The following ULK4 variants were observed in gnomAD, a reference collection of about 807,000 sequenced individuals.
ULK4 encodes the protein inactive serine/threonine-protein kinase ULK4.
Under a neutral mutation model 160.6 loss-of-function variants are expected in ULK4, and 133 were observed. The ratio of observed to expected loss-of-function variants is 0.83; its 90% CI spans 0.72 to 0.96. The LOEUF is 0.96. Among genes scored for constraint, ULK4 ranks in the 40% least tolerant of loss-of-function variants. The pLI is 0.00. For missense variants in ULK4, 1,580 were observed against 1,499.5 expected (o/e 1.05, Z -0.89); for synonymous variants, 534 against 539.8 (o/e 0.99, Z 0.15).
chr3:41,647,012 T>G (rs1363737376), intron 30 of ULK4, among the ~76,000 whole-genome samples: 2 of 152,236 alleles, frequency 1.3e-5, no homozygotes, highest in Non-Finnish European at 2.9e-5. Context: ...GCATTCTTCA[T>G]GTAGTTCTCG....
intron 35 of ULK4, among the ~76,000 whole-genome samples, chr3:41,289,745 G>C (rs1301147177): frequency 6.6e-6 from 1 of 152,156 alleles, no homozygotes; most frequent in East Asian, 1.9e-4. Flanking sequence ...GCCCAAGGAA[G>C]GGAGCAAGTC....
intron 31 of ULK4, among the ~76,000 whole-genome samples, chr3:41,570,059 C>T (rs1575429275): frequency 6.6e-6 from 1 of 152,156 alleles, no homozygotes; most frequent in African/African-American, 2.4e-5. Flanking sequence ...AGCAGAGAAT[C>T]CAGGAACCTC....
rs78165351 is a variant in ULK4, at chr3:41,395,691, G to A, written c.3678+2388C>T. Among the ~76,000 whole-genome samples, 1,019 of 152,268 alleles carry A rather than the reference G, an allele frequency of 6.7e-3. 4 individuals carry two copies. The highest frequency in any genetic ancestry group is 0.015 in the East Asian group (79 of 5,184). ...TTTGGGAAGATGAAAAAGTTGTGGA[G>A]ATGGATAATAGTGATGGTTGCACAA... is the stretch of plus-strand genomic sequence containing the variant. On this transcript the variant is annotated intron_variant, in intron 35 of 36. Transcript: ENST00000301831.
chr3:41,669,048 TCA>T (rs1007986649), intron 29 of ULK4, among the ~76,000 whole-genome samples: 8 of 151,950 alleles, frequency 5.3e-5, no homozygotes, highest in African/African-American at 1.9e-4. Flanking sequence ...TGGACAAAAT[TCA>T]CAGAGAAGGA....
intron 36 of ULK4, among the ~76,000 whole-genome samples, chr3:41,247,905 G>A (rs1267313434): frequency 6.6e-6 from 1 of 152,228 alleles, no homozygotes; most frequent in African/African-American, 2.4e-5. Context: ...TTCTGGTAAG[G>A]CAATCTGAAC....
intron 30 of ULK4, among the ~76,000 whole-genome samples, chr3:41,641,301 T>C (rs965507218): frequency 6.6e-6 from 1 of 152,222 alleles, no homozygotes; most frequent in African/African-American, 2.4e-5. Flanking sequence ...ATCCTTTTGC[T>C]TCTGAAGATA....
At chr3:41,730,939 T>C (rs2037800812) in intron 22 of ULK4, among the ~76,000 whole-genome samples, 1 of 152,082 alleles carries the variant, frequency 6.6e-6, no homozygotes, top group Non-Finnish European at 1.5e-5. Flanking sequence ...AACCATATGA[T>C]TTCAATACAT....
In ULK4 at chr3:41,256,267, G is replaced by A. The variant is rs75937619; in HGVS notation, c.3679-6693C>T. On this transcript the variant is annotated intron_variant, in intron 35 of 36. Transcript: ENST00000301831. ...CTAAAATTTGCAATGGAAAGGCAAAGGAGCCAGAACAGGTAAAATAATTTT... is the reference window on the plus strand; with the variant it reads ...CTAAAATTTGCAATGGAAAGGCAAAAGAGCCAGAACAGGTAAAATAATTTT... 2.6e-3 allele frequency among the ~76,000 whole-genome samples: 400 copies of A among 152,286 alleles called. 1 individual carries two copies. Among genetic ancestry groups the A allele is most frequent in the Non-Finnish European group, 4.9e-3 (334 of 68,022 alleles).
intron 34 of ULK4, among the ~76,000 whole-genome samples, chr3:41,432,005 C>A (rs1002594258): frequency 2.3e-4 from 35 of 151,972 alleles, no homozygotes; most frequent in African/African-American, 8.5e-4. Context: ...GTTAGCCAGG[C>A]TGATCTCGAT....
chr3:41,530,711 A>C (rs1291588749), intron 32 of ULK4, among the ~76,000 whole-genome samples: 7 of 152,216 alleles, frequency 4.6e-5, no homozygotes, highest in Non-Finnish European at 1.5e-5. Context: ...CAACTTGAAA[A>C]ACAACTAGAA....
At position 41,861,377 on chromosome 3, in the gene ULK4, A is replaced by G. The variant is rs117650857; in HGVS notation, c.1656+22497T>C. Among the ~76,000 whole-genome samples the G allele has an allele frequency of 1.1e-3, 162 of 152,156 alleles. 4 individuals carry two copies. In the East Asian group the frequency reaches 0.03, roughly 28 times the overall value. On this transcript the variant is annotated intron_variant, in intron 17 of 36. Coordinates refer to ENST00000301831, the MANE Select transcript of ULK4 (RefSeq NM_017886.4). ...GTTTTGTTTGTCTGGGAGAGTCTTT[A>G]TTTCTCCTTCACATTTGAAGGATAT... is the stretch of plus-strand genomic sequence containing the variant.
At chr3:41,617,980 CA>C (rs1019672085) in intron 30 of ULK4, among the ~76,000 whole-genome samples, 1 of 151,966 alleles carries the variant, frequency 6.6e-6, no homozygotes, top group African/African-American at 2.4e-5. Flanking sequence ...GAAGCATACA[CA>C]ACTATCAATA....
intron 7 of ULK4, 47 bp from the exon 8 acceptor site, chr3:41,916,099 A>T: frequency 2.4e-6 from 3 of 1,226,126 alleles, no homozygotes; most frequent in Non-Finnish European, 3.5e-6. Context: ...TAGTAAATAC[A>T]TATCAATTTT....
chr3:41,722,889 CTG>C (rs2037523895), intron 22 of ULK4, among the ~76,000 whole-genome samples: 1 of 152,160 alleles, frequency 6.6e-6, no homozygotes, highest in African/African-American at 2.4e-5. Flanking sequence ...TTGAGAGACA[CTG>C]TTGCATCTGT....
chr3:41,864,944 T>C (rs974833317), intron 17 of ULK4, among the ~76,000 whole-genome samples: 2 of 151,972 alleles, frequency 1.3e-5, no homozygotes, highest in Non-Finnish European at 1.5e-5. Context: ...AGCCCTTACA[T>C]ATGCCTCACA....
chr3:41,828,191 C>A lies in ULK4; in HGVS notation c.1764+7673G>T, dbSNP rs1271112732. ...TCTATGACAAACCCACAGCCAATAT[C>A]ATACTGAATGGAAAAAAACTGGAAA... On this transcript the variant is annotated intron_variant, in intron 18 of 36. Transcript: ENST00000301831. 2.8e-5 allele frequency among the ~76,000 whole-genome samples: 4 copies of A among 144,132 alleles called. 1 individual carries two copies. Among genetic ancestry groups the A allele is most frequent in the African/African-American group, 1.0e-4 (4 of 38,400 alleles). The allele number at this position is 144,132 out of a possible 152,430, so 94.6% of individuals were successfully genotyped here. A position where few individuals can be genotyped will look rare whatever the true frequency, so the allele number is the denominator to read the frequency against.
chr3:41,400,139 T>A (rs761369610), intron 34 of ULK4, among the ~76,000 whole-genome samples: 2 of 152,154 alleles, frequency 1.3e-5, no homozygotes, highest in Non-Finnish European at 2.9e-5. Context: ...AATGGAAGCA[T>A]CTTGTATAAT....
intron 35 of ULK4, among the ~76,000 whole-genome samples, chr3:41,300,053 C>G (rs969459355): frequency 6.6e-6 from 1 of 152,060 alleles, no homozygotes; most frequent in African/African-American, 2.4e-5. Flanking sequence ...CAATTTTCAC[C>G]AACACCAGCA....
chr3:41,680,025 T>C lies in ULK4; in HGVS notation c.2978+1483A>G, dbSNP rs551231748. ...CACTGAACCCAGCTCTCAAAGCACA[T>C]CCTTTAAATATATTTTGTACAAAAA... On this transcript the variant is annotated intron_variant, in intron 29 of 36. Coordinates refer to ENST00000301831, the MANE Select transcript of ULK4 (RefSeq NM_017886.4). Among the ~76,000 whole-genome samples, 105 of 152,310 alleles carry C rather than the reference T, an allele frequency of 6.9e-4. 1 individual carries two copies. The highest frequency in any genetic ancestry group is 2.4e-3 in the African/African-American group (100 of 41,564).
Sources: gnomAD v4.1 joint callset for allele counts (sites outside exome capture counted in the v4.1 genomes callset) on GRCh38, gnomAD v4.1.1 for gene constraint, MANE v1.5 for transcripts, NCBI Gene and HGNC (gene_info 2026-07-23, HGNC 2026-07-21) for gene names.